The following FANCB variants were observed in gnomAD, a reference collection of about 807,000 sequenced individuals.
FANCB encodes the protein Fanconi anemia group B protein.
Under a neutral mutation model 38.9 loss-of-function variants are expected in FANCB, and 5 were observed. That is an observed-to-expected ratio of 0.13 (90% CI 0.07 to 0.27). The LOEUF (loss-of-function observed/expected upper bound fraction) is 0.27, where lower values mean the gene tolerates loss of function less well. FANCB is among the 10% of genes least tolerant of loss of function. FANCB has a pLI of 1.00. For missense variants in FANCB, 573 were observed against 602.7 expected (o/e 0.95, Z 0.52); for synonymous variants, 236 against 215.4 (o/e 1.10, Z -0.84).
chrX:14,840,539 T>C (rs1216191696), downstream of FANCB, among the ~76,000 whole-genome samples: 1 of 111,922 alleles, frequency 8.9e-6, no homozygotes, highest in Non-Finnish European at 1.9e-5. Flanking sequence ...GGAAGTTCCC[T>C]GGACAAAACG....
At chrX:14,705,093 TAAATG>T in the FANCB span, among the ~76,000 whole-genome samples, 1 of 112,366 alleles carries the variant, frequency 8.9e-6, no homozygotes, top group Non-Finnish European at 1.9e-5. Context: ...TTATTGTCAG[TAAATG>T]AAACAGAGAT....
the FANCB span, among the ~76,000 whole-genome samples, chrX:14,757,140 T>A: frequency 8.9e-6 from 1 of 112,084 alleles, no homozygotes; most frequent in Non-Finnish European, 1.9e-5. Flanking sequence ...GTATAGCCAT[T>A]ATGAAAAACA....
At chrX:14,691,331 G>A in the FANCB span, among the ~76,000 whole-genome samples, 2 of 62,983 alleles carry the variant, frequency 3.2e-5, no homozygotes, top group Admixed American at 1.4e-4. Context: ...GTGTGCGCGC[G>A]TGCGTGCGTG....
rs971900 is a variant in FANCB at position 14,837,220 on chromosome X, A to C, written c.*1567-965T>G. ...AGTGCTGTAGTACTCATAGCGAATA[A>C]AGATGTAAGTTTTCCTGGCTAGACA... is the stretch of plus-strand genomic sequence containing the variant. On this transcript the variant is annotated intron_variant and NMD_transcript_variant, in intron 10 of 10. Transcript: ENST00000643728. Among the ~76,000 whole-genome samples the C allele has an allele frequency of 7.2e-3, 807 of 112,275 alleles. 5 individuals are homozygous for C. Among genetic ancestry groups the C allele is most frequent in the Admixed American group, 0.017 (182 of 10,568 alleles).
chrX:14,781,483 G>C, the FANCB span, among the ~76,000 whole-genome samples: 1 of 111,307 alleles, frequency 9.0e-6, no homozygotes, highest in South Asian at 3.8e-4. Flanking sequence ...AAAAATAAAA[G>C]ATGAATGTGC....
chrX:14,845,341 T>C (rs935864850), intron 7 of FANCB, 55 bp from the exon 8 acceptor site: 8 of 914,252 alleles, frequency 8.8e-6, no homozygotes, highest in African/African-American at 7.8e-5. Context: ...TAAAATCAAA[T>C]TGATGATTAA....
chrX:14,735,538 T>C, the FANCB span, among the ~76,000 whole-genome samples: 3 of 112,150 alleles, frequency 2.7e-5, no homozygotes, highest in South Asian at 7.4e-4. Context: ...CTCCAGACCC[T>C]GTTTGCCTGG....
the FANCB span, among the ~76,000 whole-genome samples, chrX:14,764,513 C>A: frequency 8.9e-6 from 1 of 111,756 alleles, no homozygotes; most frequent in Non-Finnish European, 1.9e-5. Context: ...GGATAAATAT[C>A]TCATCACCTT....
the FANCB span, among the ~76,000 whole-genome samples, chrX:14,701,120 G>T: frequency 9.0e-6 from 1 of 110,745 alleles, no homozygotes; most frequent in Non-Finnish European, 1.9e-5. Flanking sequence ...GAATAAAGAG[G>T]GAGGTGACAG....
chrX:14,798,364 G>T, the FANCB span, among the ~76,000 whole-genome samples: 1 of 110,585 alleles, frequency 9.0e-6, no homozygotes, highest in Admixed American at 9.6e-5. Context: ...GGGTTTCACC[G>T]TGTTAGCCAG....
Position 14,864,601 on chromosome X carries a change from T to C in FANCB, c.910A>G (p.Ile304Val), listed in dbSNP as rs754238911. 2 of 1,204,014 alleles carry C rather than the reference T, an allele frequency of 1.7e-6. No individual in the cohort carries two copies. Among genetic ancestry groups the C allele is most frequent in the Non-Finnish European group, 1.1e-6 (1 of 888,323 alleles). Residue 304 changes from isoleucine to valine, a missense_variant, in exon 3 of 10, where the codon ATA becomes GTA. Transcript: ENST00000650831. ...CATACAGCACAAGCATTATTGGATATAAAGGATACAACGAAAAAGAGGTTT... is the reference window on the plus strand; with the variant it reads ...CATACAGCACAAGCATTATTGGATACAAAGGATACAACGAAAAAGAGGTTT... ...GGNLFFVVSF[I>V]SNNACAVWKE...
At chrX:14,758,907 AGATT>A in the FANCB span, among the ~76,000 whole-genome samples, 6,940 of 111,794 alleles carry the variant, frequency 0.062, 274 homozygotes, top group African/African-American at 0.13. Context: ...AGAATTCAGA[AGATT>A]GATTATTAAG....
chrX:14,751,215 A>G, the FANCB span, among the ~76,000 whole-genome samples: 2 of 112,388 alleles, frequency 1.8e-5, no homozygotes, highest in Admixed American at 9.4e-5. Context: ...AGCACTGTTC[A>G]AATAGCTAAA....
the FANCB span, among the ~76,000 whole-genome samples, chrX:14,692,477 C>A: frequency 8.9e-6 from 1 of 111,801 alleles, no homozygotes. Context: ...TGGTTTAAGT[C>A]CTTCAACAAC....
chrX:14,756,680 C>T, the FANCB span, among the ~76,000 whole-genome samples: 1 of 111,333 alleles, frequency 9.0e-6, no homozygotes, highest in Non-Finnish European at 1.9e-5. Context: ...CTGAGAAGCT[C>T]GGGCAGCGGT....
At chrX:14,838,143 G>A (rs1165930691) in intron 10 of FANCB, among the ~76,000 whole-genome samples, 1 of 111,846 alleles carries the variant, frequency 8.9e-6, no homozygotes, top group Non-Finnish European at 1.9e-5. Flanking sequence ...AGGGTTGTAA[G>A]GATCACATGG....
the FANCB span, among the ~76,000 whole-genome samples, chrX:14,808,599 C>A: frequency 8.9e-6 from 1 of 112,239 alleles, no homozygotes; most frequent in East Asian, 2.8e-4. Context: ...AGACCCACAG[C>A]TAGTATCATA....
the FANCB span, among the ~76,000 whole-genome samples, chrX:14,784,445 A>G: frequency 1.8e-5 from 2 of 111,450 alleles, no homozygotes; most frequent in African/African-American, 6.5e-5. Flanking sequence ...CAGCAATCAT[A>G]TCACCCCAAC....
At chrX:14,731,713 C>G in the FANCB span, 1 of 111,557 alleles carries the variant, frequency 9.0e-6, no homozygotes, top group Non-Finnish European at 1.9e-5. Flanking sequence ...AGATAAAAGA[C>G]AACCTGTAAA....
Sources: allele counts gnomAD v4.1 joint callset (sites outside exome capture counted in the v4.1 genomes callset), GRCh38; gene constraint gnomAD v4.1.1; transcripts MANE v1.5; gene names NCBI Gene and HGNC (gene_info 2026-07-23, HGNC 2026-07-21).